Variants in MMP16 observed in about 807,000 individuals in gnomAD.
The protein encoded by MMP16 is matrix metallopeptidase 16.
A neutral mutation model predicts 67.8 loss-of-function variants in MMP16; 12 were observed. The ratio of observed to expected loss-of-function variants is 0.18; its 90% CI spans 0.11 to 0.29. The LOEUF is 0.29. Among genes scored for constraint, MMP16 ranks in the 10% least tolerant of loss-of-function variants. MMP16 has a pLI of 1.00. For missense variants in MMP16, 475 were observed against 765.7 expected, an observed-to-expected ratio of 0.62 and a Z score of 4.48; for synonymous variants, 249 against 255.9, an observed-to-expected ratio of 0.97 and a Z score of 0.26.
At chr8:88,051,069 C>T (rs1196401687) in intron 8 of MMP16, among the ~76,000 whole-genome samples, 1 of 152,154 alleles carries the variant, frequency 6.6e-6, no homozygotes, top group East Asian at 1.9e-4. Flanking sequence ...TAGGCTCAAA[C>T]CCAAAGGTTG....
chr8:88,119,806 A>G (rs1165464538), intron 4 of MMP16, among the ~76,000 whole-genome samples: 1 of 152,078 alleles, frequency 6.6e-6, no homozygotes, highest in Non-Finnish European at 1.5e-5. Context: ...TTATGTTTCT[A>G]AGTGAAAAGT....
intron 4 of MMP16, among the ~76,000 whole-genome samples, chr8:88,135,248 T>C (rs779123657): frequency 4.0e-5 from 6 of 151,826 alleles, no homozygotes; most frequent in East Asian, 1.9e-4. Context: ...TAAGGGAGAC[T>C]GATAAACTCA....
At chr8:88,092,423 A>G (rs1808953877) in intron 6 of MMP16, among the ~76,000 whole-genome samples, 1 of 151,188 alleles carries the variant, frequency 6.6e-6, no homozygotes, top group Non-Finnish European at 1.5e-5. Context: ...ACATATCTCA[A>G]CTCTTAGCAT....
At chr8:88,145,440 ATACATTTT>A (rs1808275552) in intron 4 of MMP16, among the ~76,000 whole-genome samples, 1 of 152,010 alleles carries the variant, frequency 6.6e-6, no homozygotes, top group Non-Finnish European at 1.5e-5. Flanking sequence ...ACATGACTAT[ATACATTTT>A]GAAATAAATA....
chr8:88,255,919 A>G (rs1299615677), intron 1 of MMP16, among the ~76,000 whole-genome samples: 1 of 152,114 alleles, frequency 6.6e-6, no homozygotes, highest in Non-Finnish European at 1.5e-5. Flanking sequence ...GAACTTTTCT[A>G]TAGATGCTGG....
At chr8:88,101,294 T>C (rs746916788) in intron 6 of MMP16, among the ~76,000 whole-genome samples, 1 of 151,814 alleles carries the variant, frequency 6.6e-6, no homozygotes, top group Non-Finnish European at 1.5e-5. Context: ...ATAAAATAAA[T>C]AGATACATTG....
chr8:88,141,353 G>C (rs1216466533), intron 4 of MMP16, among the ~76,000 whole-genome samples: 1 of 152,138 alleles, frequency 6.6e-6, no homozygotes, highest in Non-Finnish European at 1.5e-5. Context: ...TATTAAGAAA[G>C]TATATAAATC....
At chr8:88,191,602 T>C (rs1274228417) in intron 2 of MMP16, among the ~76,000 whole-genome samples, 1 of 152,186 alleles carries the variant, frequency 6.6e-6, no homozygotes, top group East Asian at 1.9e-4. Flanking sequence ...ACAACTTCAC[T>C]GTCCCCTGTT....
chr8:88,192,081 T>C (rs115100631), intron 2 of MMP16, among the ~76,000 whole-genome samples: 34 of 152,338 alleles, frequency 2.2e-4, no homozygotes, highest in African/African-American at 7.5e-4. Context: ...ATGAATAATA[T>C]TTACTATTTA....
intron 6 of MMP16, among the ~76,000 whole-genome samples, chr8:88,100,896 A>G (rs1462559726): frequency 6.7e-6 from 1 of 148,894 alleles, no homozygotes; most frequent in Non-Finnish European, 1.5e-5. Context: ...CAAACACCGC[A>G]TGTTCTCACT....
intron 1 of MMP16, among the ~76,000 whole-genome samples, chr8:88,318,861 A>G (rs1235832672): frequency 6.6e-6 from 1 of 152,174 alleles, no homozygotes; most frequent in Non-Finnish European, 1.5e-5. Context: ...TGGTATTTCC[A>G]TGTTGCTGGT....
At chr8:88,081,562 C>CAAT (rs1367097758) in intron 6 of MMP16, among the ~76,000 whole-genome samples, 1 of 151,880 alleles carries the variant, frequency 6.6e-6, no homozygotes, top group Non-Finnish European at 1.5e-5. Flanking sequence ...CCAGCCTGGG[C>CAAT]AATACAGTGA....
At chr8:88,245,723 G>A (rs560666448) in intron 1 of MMP16, among the ~76,000 whole-genome samples, 1 of 152,060 alleles carries the variant, frequency 6.6e-6, no homozygotes, top group Non-Finnish European at 1.5e-5. Context: ...CAGCAGAAGC[G>A]GCATTCAACA....
chr8:88,239,310 AAAAAGAAAATTTC>A (rs1257243931), intron 1 of MMP16, among the ~76,000 whole-genome samples: 3 of 151,310 alleles, frequency 2.0e-5, no homozygotes, highest in Admixed American at 2.0e-4. Context: ...AAAAAAAAAA[AAAAAGAAAATTTC>A]AAAATCAATT....
At chr8:88,071,489 A>T (rs982130367) in intron 7 of MMP16, among the ~76,000 whole-genome samples, 1 of 152,196 alleles carries the variant, frequency 6.6e-6, no homozygotes, top group Admixed American at 6.6e-5. Flanking sequence ...AAGAAGAAAA[A>T]AAAACATAAA....
intron 1 of MMP16, among the ~76,000 whole-genome samples, chr8:88,202,573 T>A (rs1344748118): frequency 7.9e-5 from 12 of 152,146 alleles, no homozygotes; most frequent in African/African-American, 2.7e-4. Flanking sequence ...GCTCAGATTT[T>A]ACTGTTTTTT....
intron 1 of MMP16, among the ~76,000 whole-genome samples, chr8:88,245,832 C>T (rs1810105474): frequency 6.6e-6 from 1 of 152,108 alleles, no homozygotes; most frequent in Non-Finnish European, 1.5e-5. Flanking sequence ...AGGTGCAGAG[C>T]AATAATAAAT....
chr8:88,091,861 A>C (rs2118347461), intron 6 of MMP16, among the ~76,000 whole-genome samples: 1 of 152,004 alleles, frequency 6.6e-6, no homozygotes, highest in African/African-American at 2.4e-5. Flanking sequence ...GCTTAATAGC[A>C]GCCTTTTGAC....
chr8:88,200,231 C>T (rs771447188), intron 1 of MMP16, among the ~76,000 whole-genome samples: 1 of 151,856 alleles, frequency 6.6e-6, no homozygotes, highest in Non-Finnish European at 1.5e-5. Context: ...AATCCAAAAG[C>T]AAATAAGGAA....
Sources: gnomAD v4.1 joint callset for allele counts (sites outside exome capture counted in the v4.1 genomes callset) on GRCh38, gnomAD v4.1.1 for gene constraint, MANE v1.5 for transcripts, NCBI Gene and HGNC (gene_info 2026-07-23, HGNC 2026-07-21) for gene names.